NUDC: variants seen among roughly 807,000 people sequenced by gnomAD.
NUDC encodes nuclear distribution C, dynein complex regulator.
In NUDC, 14 loss-of-function variants were observed where a neutral mutation model predicts 45.0. The observed-to-expected ratio is 0.31, with a 90% confidence interval of 0.21 to 0.49. The LOEUF is 0.49. NUDC is among the 20% of genes least tolerant of loss of function. The probability of loss-of-function intolerance (pLI) is 0.99; values close to 1 mark genes in which losing one functional copy is unlikely to be tolerated. For missense variants in NUDC, 323 were observed against 426.2 expected (o/e 0.76, Z 2.13); for synonymous variants, 153 against 156.7 (o/e 0.98, Z 0.17).
At chr1:26,901,481 T>C (rs1374619710) in intron 1 of NUDC, among the ~76,000 whole-genome samples, 1 of 145,398 alleles carries the variant, frequency 6.9e-6, no homozygotes, top group East Asian at 2.1e-4. Context: ...CTCGGCTCAC[T>C]GCAACCTCCG....
chr1:26,937,986 C>A (rs1299497345), intron 2 of NUDC, among the ~76,000 whole-genome samples: 4 of 152,168 alleles, frequency 2.6e-5, no homozygotes, highest in Non-Finnish European at 5.9e-5. Context: ...TCATAAAATT[C>A]TTCTGCCTTC....
chr1:26,901,240 C>T (rs1446643001), intron 1 of NUDC, among the ~76,000 whole-genome samples: 1 of 151,802 alleles, frequency 6.6e-6, no homozygotes, highest in Admixed American at 6.6e-5. Flanking sequence ...CAGATGCAAC[C>T]CACTATGCCT....
At chr1:26,925,228 T>C (rs2082121421) in intron 2 of NUDC, among the ~76,000 whole-genome samples, 1 of 150,756 alleles carries the variant, frequency 6.6e-6, no homozygotes, top group South Asian at 2.1e-4. Context: ...GGGCAAATAT[T>C]AGAAACTGAT....
chr1:26,906,741 C>T (rs546185308), intron 2 of NUDC, among the ~76,000 whole-genome samples: 6 of 151,844 alleles, frequency 4.0e-5, no homozygotes, highest in South Asian at 2.1e-4. Flanking sequence ...CCCAGCTACT[C>T]GGGAGGCTGA....
intron 2 of NUDC, among the ~76,000 whole-genome samples, chr1:26,926,624 A>C (rs1392512270): frequency 1.3e-5 from 2 of 150,582 alleles, no homozygotes; most frequent in East Asian, 3.9e-4. Flanking sequence ...TTTGACACGG[A>C]GTTTCATGCT....
intron 6 of NUDC, 24 bp downstream of exon 6, chr1:26,943,089 G>T (rs748037809): frequency 1.7e-5 from 28 of 1,613,360 alleles, no homozygotes; most frequent in Non-Finnish European, 2.2e-5. Context: ...AGCCCTTCTA[G>T]CCTGGGGTGT....
intron 2 of NUDC, among the ~76,000 whole-genome samples, chr1:26,907,317 T>C (rs574585535): frequency 2.6e-5 from 4 of 152,350 alleles, no homozygotes; most frequent in South Asian, 4.1e-4. Flanking sequence ...GCCTGTTGTA[T>C]GTACCCCTAT....
chr1:26,914,256 A>G lies in NUDC; in HGVS notation c.93+3021A>G, dbSNP rs530385596. Among the ~76,000 whole-genome samples, 45 of 152,302 alleles carry G rather than the reference A, an allele frequency of 3.0e-4. 1 individual carries two copies. In the Middle Eastern group the frequency reaches 0.01, roughly 35 times the overall value. On this transcript the variant is annotated intron_variant, in intron 3 of 6. Coordinates refer to the NUDC transcript ENST00000435827. Reference sequence around the variant, plus strand: ...ACTCAAGTGGATAAACAAGGTCATTAACTCAGGCTGTACCAGGGCACCAAG... The same window carrying G: ...ACTCAAGTGGATAAACAAGGTCATTGACTCAGGCTGTACCAGGGCACCAAG...
At chr1:26,942,621 C>T in intron 4 of NUDC, 39 bp from the exon 5 acceptor site, 1 of 1,613,116 alleles carries the variant, frequency 6.2e-7, no homozygotes, top group African/African-American at 1.3e-5. Context: ...TGTGTCTTGT[C>T]TGTCAAGTAA....
In NUDC at chr1:26,941,639, G is replaced by A. The variant is rs761323402; in HGVS notation, c.342G>A (p.Arg114=). Residue 114 remains arginine (R), a synonymous_variant, in exon 3 of 9, where the codon AGG becomes AGA. Transcript: ENST00000321265. ...AGCTAACTGATGAAGAGGCAGAGAG[G>A]CTGCAGCTAGAGATTGACCAGGTGA... ...IKELTDEEAE[R]LQLEIDQKKD... 1 of 1,612,064 alleles carries A rather than the reference G, an allele frequency of 6.2e-7. No individual in the cohort carries two copies. Among genetic ancestry groups the A allele is most frequent in the South Asian group, 1.1e-5 (1 of 90,766 alleles).
intron 2 of NUDC, among the ~76,000 whole-genome samples, chr1:26,927,128 G>A (rs1169805467): frequency 6.6e-6 from 1 of 152,112 alleles, no homozygotes; most frequent in Non-Finnish European, 1.5e-5. Flanking sequence ...AAGACTTTGT[G>A]AGGAAGTGAC....
chr1:26,900,462 A>C, intron 1 of NUDC: 1 of 1,591,454 alleles, frequency 6.3e-7, no homozygotes, highest in Non-Finnish European at 8.6e-7. Context: ...TCACATGATC[A>C]GCTAGAACCA....
Position 26,939,216 on chromosome 1 carries a change from A to C in NUDC, c.160-2241A>C, listed in dbSNP as rs540068271. 3.8e-4 allele frequency among the ~76,000 whole-genome samples: 57 copies of C among 151,330 alleles called. 2 individuals are homozygous for C. In the South Asian group the frequency reaches 8.2e-3, roughly 22 times the overall value. On this transcript the variant is annotated intron_variant, in intron 2 of 8. Coordinates refer to ENST00000321265, the MANE Select transcript of NUDC (RefSeq NM_006600.4). The stretch of plus-strand genomic sequence containing the variant: ...ACCATGTTGGCCAGGGTGGTCAAGA[A>C]CTCCTGACCTCAGGTGATCTGCCCG...
Position 26,945,804 on chromosome 1 carries a change from A to G in NUDC, c.944+118A>G, listed in dbSNP as rs74062546. On this transcript the variant is annotated intron_variant, in intron 8 of 8. Transcript: ENST00000321265. Reference sequence around the variant, plus strand: ...GAGCTGCCCTGCCCCCTTTCCAGCCATGTTTATGGCTTTATGGCTTTGGCT... The same window carrying G: ...GAGCTGCCCTGCCCCCTTTCCAGCCGTGTTTATGGCTTTATGGCTTTGGCT... 0.012 allele frequency: 10,125 copies of G among 847,660 alleles called. 610 individuals are homozygous for G. In the African/African-American group the frequency reaches 0.14, roughly 12 times the overall value. The allele number at this position is 847,660 out of a possible 1,614,324, so 52.5% of individuals were successfully genotyped here. A position where few individuals can be genotyped will look rare whatever the true frequency, so the allele number is the denominator to read the frequency against.
intron 2 of NUDC, among the ~76,000 whole-genome samples, chr1:26,936,371 G>A (rs1019060929): frequency 1.3e-5 from 2 of 150,284 alleles, no homozygotes; most frequent in Non-Finnish European, 3.0e-5. Context: ...TGTATTTTTA[G>A]TAGAGACAGG....
intron 1 of NUDC, chr1:26,900,528 A>G: frequency 9.1e-7 from 1 of 1,103,678 alleles, no homozygotes. Context: ...GAGATTGTGA[A>G]AATTCTAACT....
chr1:26,946,072 G>T, intron 8 of NUDC, 58 bp from the exon 9 acceptor site: 1 of 1,540,032 alleles, frequency 6.5e-7, no homozygotes, highest in Non-Finnish European at 9.0e-7. Flanking sequence ...GGTGCTGGGA[G>T]AAGGGACAGC....
intron 2 of NUDC, among the ~76,000 whole-genome samples, chr1:26,926,964 C>G (rs1421329582): frequency 6.6e-6 from 1 of 152,090 alleles, no homozygotes; most frequent in Non-Finnish European, 1.5e-5. Context: ...CTATATCAAA[C>G]CTTTTGGGAT....
chr1:26,913,448 C>A, intron 3 of NUDC: 2 of 1,614,092 alleles, frequency 1.2e-6, no homozygotes, highest in Middle Eastern at 3.3e-4. Context: ...CAGGCATATT[C>A]CTTGGGGCTA....
Sources: allele counts gnomAD v4.1 joint callset (sites outside exome capture counted in the v4.1 genomes callset), GRCh38; gene constraint gnomAD v4.1.1; transcripts MANE v1.5; gene names NCBI Gene and HGNC (gene_info 2026-07-23, HGNC 2026-07-21).